PHYHIPL: variants seen among roughly 807,000 people sequenced by gnomAD.
The protein encoded by PHYHIPL is phytanoyl-CoA hydroxylase-interacting protein-like.
PHYHIPL carries 9 observed loss-of-function variants against 33.4 expected under a neutral mutation model. That is an observed-to-expected ratio of 0.27 (90% confidence interval 0.16 to 0.47). PHYHIPL has a LOEUF of 0.47. PHYHIPL is among the 20% of genes least tolerant of loss of function. The probability of loss-of-function intolerance (pLI) is 0.99; values close to 1 mark genes in which losing one functional copy is unlikely to be tolerated. For missense variants in PHYHIPL, 365 were observed against 460.7 expected, an observed-to-expected ratio of 0.79 and a Z score of 1.90; for synonymous variants, 153 against 154.1, an observed-to-expected ratio of 0.99 and a Z score of 0.05.
intron 1 of PHYHIPL, among the ~76,000 whole-genome samples, chr10:59,209,347 G>T (rs1397062538): frequency 6.6e-6 from 1 of 152,096 alleles, no homozygotes; most frequent in African/African-American, 2.4e-5. Context: ...AAGTGAAGGA[G>T]AAATAAAATT....
At chr10:59,197,555 G>A (rs1838953290) in intron 1 of PHYHIPL, among the ~76,000 whole-genome samples, 1 of 152,014 alleles carries the variant, frequency 6.6e-6, no homozygotes, top group Non-Finnish European at 1.5e-5. Flanking sequence ...TAAGTTCAAA[G>A]TGAACTGCTT....
At chr10:59,200,693 T>G (rs1174928983) in intron 1 of PHYHIPL, among the ~76,000 whole-genome samples, 1 of 152,096 alleles carries the variant, frequency 6.6e-6, no homozygotes, top group Non-Finnish European at 1.5e-5. Flanking sequence ...GTCCTGGACT[T>G]TTTTTGGTTG....
At chr10:59,211,427 A>G (rs1208652275) in intron 1 of PHYHIPL, among the ~76,000 whole-genome samples, 9 of 151,986 alleles carry the variant, frequency 5.9e-5, no homozygotes, top group African/African-American at 2.2e-4. Context: ...CCCAGGCTGG[A>G]GTACAATGGC....
intron 1 of PHYHIPL, among the ~76,000 whole-genome samples, chr10:59,202,760 C>T (rs1839157808): frequency 6.6e-6 from 1 of 152,144 alleles, no homozygotes; most frequent in Non-Finnish European, 1.5e-5. Context: ...TTTCATATAG[C>T]TATTAAACAG....
chr10:59,229,912 AC>A (rs1840028867), intron 1 of PHYHIPL, among the ~76,000 whole-genome samples: 2 of 152,192 alleles, frequency 1.3e-5, no homozygotes, highest in African/African-American at 4.8e-5. Context: ...CAGTTCATCC[AC>A]AAGGACTCAA....
intron 1 of PHYHIPL, among the ~76,000 whole-genome samples, chr10:59,216,717 G>A (rs1839623265): frequency 6.6e-6 from 1 of 152,120 alleles, no homozygotes; most frequent in Non-Finnish European, 1.5e-5. Context: ...GTTTAAGAGT[G>A]TGTAGTAAGT....
chr10:59,178,632 G>A (rs1039726106), intron 1 of PHYHIPL, among the ~76,000 whole-genome samples: 1 of 152,054 alleles, frequency 6.6e-6, no homozygotes, highest in Non-Finnish European at 1.5e-5. Context: ...ATGGAATTAG[G>A]CATTCATTGT....
chr10:59,173,926 T>G (rs1362585279), upstream of PHYHIPL, among the ~76,000 whole-genome samples: 1 of 84,146 alleles, frequency 1.2e-5, no homozygotes, highest in African/African-American at 8.1e-5. Flanking sequence ...CTGAGGTTTT[T>G]TTTTTTTTTT....
chr10:59,216,483 A>C (rs1251833357), intron 1 of PHYHIPL, among the ~76,000 whole-genome samples: 1 of 152,082 alleles, frequency 6.6e-6, no homozygotes, highest in East Asian at 1.9e-4. Flanking sequence ...GGAAAATTAG[A>C]GCATTTTTTC....
intron 3 of PHYHIPL, 132 bp from the exon 4 acceptor site, chr10:59,238,456 T>C: frequency 2.1e-6 from 1 of 466,732 alleles, no homozygotes; most frequent in Non-Finnish European, 3.8e-6. Context: ...TATTTTCTTT[T>C]TTAAATGGAA....
Position 59,246,891 on chromosome 10 carries a change from T to G in PHYHIPL, c.*1300T>G, listed in dbSNP as rs1034631137. On this transcript the variant is annotated 3_prime_UTR_variant, in exon 5 of 5. Coordinates refer to ENST00000373880, the MANE Select transcript of PHYHIPL (RefSeq NM_032439.4). ...TATCCAAAATACCTATTTTAAATTTTTAATACAATATTTTATTTTAATATA... is the reference window on the plus strand; with the variant it reads ...TATCCAAAATACCTATTTTAAATTTGTAATACAATATTTTATTTTAATATA... 5.9e-6 allele frequency: 2 copies of G among 341,386 alleles called. No individual in the cohort carries two copies. Among genetic ancestry groups the G allele is most frequent in the African/African-American group, 4.2e-5 (2 of 47,478 alleles). The allele number at this position is 341,386 out of a possible 1,614,324, so 21.1% of individuals were successfully genotyped here. A position where few individuals can be genotyped will look rare whatever the true frequency, so the allele number is the denominator to read the frequency against.
intron 1 of PHYHIPL, among the ~76,000 whole-genome samples, chr10:59,185,721 A>AT (rs2133188255): frequency 6.6e-6 from 1 of 152,280 alleles, no homozygotes; most frequent in East Asian, 1.9e-4. Context: ...GCCAGTAATG[A>AT]TGAGCATTTT....
chr10:59,197,201 A>G (rs1455010723), intron 1 of PHYHIPL, among the ~76,000 whole-genome samples: 1 of 152,196 alleles, frequency 6.6e-6, no homozygotes, highest in East Asian at 1.9e-4. Flanking sequence ...CTTGAATTCT[A>G]TCTCCTCAGT....
intron 1 of PHYHIPL, among the ~76,000 whole-genome samples, chr10:59,205,769 G>A (rs1589273557): frequency 6.6e-6 from 1 of 152,056 alleles, no homozygotes; most frequent in Admixed American, 6.6e-5. Context: ...GGCAGAAAAA[G>A]GCAGAAAAAG....
chr10:59,201,667 A>G (rs992525893), intron 1 of PHYHIPL, among the ~76,000 whole-genome samples: 2 of 152,142 alleles, frequency 1.3e-5, no homozygotes. Context: ...CTAATGTGGT[A>G]TGATGATTTT....
At chr10:59,219,094 C>T (rs1839692833) in intron 1 of PHYHIPL, 1 of 186,006 alleles carries the variant, frequency 5.4e-6, no homozygotes, top group African/African-American at 2.4e-5. Context: ...TATATGTTTG[C>T]TTTGAAATTA....
In PHYHIPL at chr10:59,215,638, T is replaced by C. The variant is rs114654150; in HGVS notation, c.107-18666T>C. On this transcript the variant is annotated intron_variant, in intron 1 of 4. Coordinates refer to ENST00000373880, the MANE Select transcript of PHYHIPL (RefSeq NM_032439.4). ...TAAATAGATAAAAACACCTAGAAATTATGGAACTGCTGTAAATGAAATAAA... is the reference window on the plus strand; with the variant it reads ...TAAATAGATAAAAACACCTAGAAATCATGGAACTGCTGTAAATGAAATAAA... Among the ~76,000 whole-genome samples, 403 of 151,968 alleles carry C rather than the reference T, an allele frequency of 2.7e-3. 2 individuals are homozygous for C. The highest frequency in any genetic ancestry group is 9.1e-3 in the African/African-American group (377 of 41,504).
Position 59,247,652 on chromosome 10 carries a change from C to A in PHYHIPL, c.*2061C>A. ...GCCACATCTTGCTTGCTGATGAGGA[C>A]CTCTAATAGTCTCAGTTTGGCTTTT... On this transcript the variant is annotated 3_prime_UTR_variant, in exon 5 of 5. Transcript: ENST00000373880. 1 of 1,613,390 alleles carries A rather than the reference C, an allele frequency of 6.2e-7. No individual in the cohort carries two copies. The highest frequency in any genetic ancestry group is 8.5e-7 in the Non-Finnish European group (1 of 1,179,646).
intron 1 of PHYHIPL, among the ~76,000 whole-genome samples, chr10:59,212,974 A>G (rs887073236): frequency 1.7e-4 from 26 of 152,286 alleles, no homozygotes; most frequent in African/African-American, 6.3e-4. Flanking sequence ...TTATTTGCCA[A>G]TTCATTTTCG....
Sources: allele counts gnomAD v4.1 joint callset (sites outside exome capture counted in the v4.1 genomes callset), GRCh38; gene constraint gnomAD v4.1.1; transcripts MANE v1.5; gene names NCBI Gene and HGNC (gene_info 2026-07-23, HGNC 2026-07-21).